The following KANK1 variants were observed in gnomAD, a reference collection of about 807,000 sequenced individuals.
KANK1 encodes the protein KN motif and ankyrin repeat domain-containing protein 1.
KANK1 carries 109 observed loss-of-function variants against 106.2 expected under a neutral mutation model. The observed-to-expected ratio is 1.03, with a 90% CI of 0.88 to 1.20. The LOEUF (loss-of-function observed/expected upper bound fraction) is 1.20. KANK1 is among the 50% of genes most tolerant of loss of function. The pLI, the probability that KANK1 is intolerant of heterozygous loss-of-function variation, is 0.00. For missense variants in KANK1, 2,399 were observed against 1,710.7 expected (o/e 1.40, Z -7.10); for synonymous variants, 873 against 652.2 (o/e 1.34, Z -5.16).
intron 1 of KANK1, among the ~76,000 whole-genome samples, chr9:582,503 T>C (rs1264567840): frequency 1.3e-5 from 2 of 152,170 alleles, no homozygotes; most frequent in African/African-American, 4.8e-5. Flanking sequence ...TGTGCACTTT[T>C]GCCCTCAGAA....
chr9:577,355 C>T (rs1820850512), intron 1 of KANK1, among the ~76,000 whole-genome samples: 1 of 152,082 alleles, frequency 6.6e-6, no homozygotes. Flanking sequence ...GGTGCATTTA[C>T]AAACCTTTAG....
upstream of KANK1, among the ~76,000 whole-genome samples, chr9:502,241 A>C (rs2058568414): frequency 0.014 from 1 of 72 alleles, no homozygotes; most frequent in Admixed American, 0.12. Context: ...CTGGGATGTC[A>C]ATGTCTGGAA....
chr9:551,623 C>T (rs149714698), intron 1 of KANK1, among the ~76,000 whole-genome samples: 6 of 152,258 alleles, frequency 3.9e-5, no homozygotes, highest in East Asian at 1.9e-4. Flanking sequence ...GTGCTCCAGA[C>T]GCTCCACTTG....
At chr9:563,694 G>T (rs923890406) in intron 1 of KANK1, among the ~76,000 whole-genome samples, 1 of 152,114 alleles carries the variant, frequency 6.6e-6, no homozygotes, top group Admixed American at 6.6e-5. Context: ...GTAGTTATGC[G>T]TGCTTTCCTA....
At chr9:476,436 G>A (rs1172567439) in intron 3 of KANK1, among the ~76,000 whole-genome samples, 1 of 151,610 alleles carries the variant, frequency 6.6e-6, no homozygotes. Context: ...CAAGAGAATC[G>A]CTTGAACCCG....
At chr9:499,153 G>A in intron 3 of KANK1, among the ~76,000 whole-genome samples, 1 of 151,408 alleles carries the variant, frequency 6.6e-6, no homozygotes, top group East Asian at 1.9e-4. Flanking sequence ...ACTCCAACCT[G>A]GGCAACAGAG....
At chr9:555,902 C>T (rs561560365) in intron 1 of KANK1, among the ~76,000 whole-genome samples, 1 of 152,186 alleles carries the variant, frequency 6.6e-6, no homozygotes, top group South Asian at 2.1e-4. Context: ...AACTTTTAAC[C>T]TTCATGATGT....
chr9:648,121 A>G (rs747918890), intron 1 of KANK1, among the ~76,000 whole-genome samples: 11 of 147,484 alleles, frequency 7.5e-5, no homozygotes, highest in Non-Finnish European at 1.0e-4. Flanking sequence ...CTCCTGCCTC[A>G]GCCTCCCGAG....
At chr9:518,827 A>G (rs2059416812) in intron 1 of KANK1, among the ~76,000 whole-genome samples, 1 of 151,630 alleles carries the variant, frequency 6.6e-6, no homozygotes, top group African/African-American at 2.4e-5. Flanking sequence ...TCAGGGACCC[A>G]AGTCTTGTAG....
At chr9:488,161 A>G (rs1288128274) in intron 3 of KANK1, among the ~76,000 whole-genome samples, 1 of 152,166 alleles carries the variant, frequency 6.6e-6, no homozygotes, top group East Asian at 1.9e-4. Context: ...ATGAATCCCT[A>G]CAAATACGGG....
chr9:606,179 AC>A (rs1237168815), intron 1 of KANK1, among the ~76,000 whole-genome samples: 2 of 142,912 alleles, frequency 1.4e-5, no homozygotes, highest in Admixed American at 7.0e-5. Flanking sequence ...ACACACACAC[AC>A]ACCACTCACA....
At chr9:554,093 G>A (rs765072405) in intron 1 of KANK1, among the ~76,000 whole-genome samples, 1 of 152,178 alleles carries the variant, frequency 6.6e-6, no homozygotes, top group South Asian at 2.1e-4. Flanking sequence ...TTAGGAAGGA[G>A]ATTCATTATA....
intron 2 of KANK1, among the ~76,000 whole-genome samples, chr9:693,058 C>T (rs1820364479): frequency 6.6e-6 from 1 of 151,734 alleles, no homozygotes; most frequent in South Asian, 2.1e-4. Context: ...GGGAACATAC[C>T]ATTCTTACTA....
At chr9:536,727 G>A (rs1198738419) in intron 1 of KANK1, among the ~76,000 whole-genome samples, 4 of 152,160 alleles carry the variant, frequency 2.6e-5, no homozygotes, top group Non-Finnish European at 5.9e-5. Flanking sequence ...TCTTAATGCC[G>A]TCTGCACAAT....
At chr9:734,203 A>T (rs1378933662) in intron 6 of KANK1, 1 of 151,766 alleles carries the variant, frequency 6.6e-6, no homozygotes, top group East Asian at 1.9e-4. Context: ...GGTGAAGCCG[A>T]ATGTCACCCT....
At chr9:560,534 G>C (rs1004417548) in intron 1 of KANK1, among the ~76,000 whole-genome samples, 1 of 152,184 alleles carries the variant, frequency 6.6e-6, no homozygotes, top group Non-Finnish European at 1.5e-5. Flanking sequence ...ACAGCCAGGA[G>C]CGAAATGTCT....
chr9:632,938 C>A (rs1056831149), intron 1 of KANK1, among the ~76,000 whole-genome samples: 3 of 152,088 alleles, frequency 2.0e-5, no homozygotes, highest in African/African-American at 7.2e-5. Flanking sequence ...AGGTGATCCA[C>A]CTGCCTCAGC....
At chr9:695,295 C>T (rs1820960812) in intron 2 of KANK1, among the ~76,000 whole-genome samples, 1 of 152,066 alleles carries the variant, frequency 6.6e-6, no homozygotes, top group African/African-American at 2.4e-5. Flanking sequence ...TCAGAATAAT[C>T]GGCACTCACC....
intron 2 of KANK1, among the ~76,000 whole-genome samples, chr9:708,487 T>C (rs2130785016): frequency 6.6e-6 from 1 of 152,318 alleles, no homozygotes; most frequent in African/African-American, 2.4e-5. Flanking sequence ...TTCCCACACG[T>C]GTTAGAATCG....
Sources: gnomAD v4.1 joint callset for allele counts (sites outside exome capture counted in the v4.1 genomes callset) on GRCh38, gnomAD v4.1.1 for gene constraint, MANE v1.5 for transcripts, NCBI Gene and HGNC (gene_info 2026-07-23, HGNC 2026-07-21) for gene names.